The following TMEM254 variants were observed in gnomAD, a reference collection of about 807,000 sequenced individuals.
TMEM254 encodes the protein transmembrane protein C10orf57.
In TMEM254, 16 loss-of-function variants were observed where a neutral mutation model predicts 13.9. That is an observed-to-expected ratio of 1.15 (90% CI 0.78 to 1.75). TMEM254 has a LOEUF of 1.75. Ranked by LOEUF, TMEM254 falls within the 40% of genes most tolerant of loss-of-function variation. The pLI is 0.00. For synonymous variants in TMEM254, 61 were observed against 56.4 expected, an observed-to-expected ratio of 1.08 and a Z score of -0.36; for missense variants, 155 against 149.0, an observed-to-expected ratio of 1.04 and a Z score of -0.21.
chr10:80,090,004 CA>C (rs376006872), intron 3 of TMEM254, among the ~76,000 whole-genome samples: 20,660 of 84,788 alleles, frequency 0.24, 1,505 homozygotes, highest in East Asian at 0.48. Context: ...GACTCCATCT[CA>C]AAAAAAAAAA....
At chr10:80,081,012 G>A (rs1459735408) in intron 1 of TMEM254, among the ~76,000 whole-genome samples, 2 of 152,182 alleles carry the variant, frequency 1.3e-5, no homozygotes, top group African/African-American at 2.4e-5. Flanking sequence ...TCCGCGAGGC[G>A]GAGGTTACAG....
chr10:80,081,734 G>T lies in TMEM254; in HGVS notation c.88-107G>T. ...CCAAATGACTGTTCAGAGTTTCTTC[G>T]GTCTGTGGTAATTTTTTTACTGTTT... On this transcript the variant is annotated intron_variant, in intron 1 of 3. Transcript: ENST00000372281. 1 of 1,608,282 alleles carries T rather than the reference G, an allele frequency of 6.2e-7. No individual in the cohort carries two copies. The highest frequency in any genetic ancestry group is 8.5e-7 in the Non-Finnish European group (1 of 1,178,440).
chr10:80,079,040 G>T, intron 1 of TMEM254: 6 of 1,503,530 alleles, frequency 4.0e-6, no homozygotes, highest in Non-Finnish European at 5.4e-6. Flanking sequence ...GGGCGGGGAC[G>T]GCTGGGGAGC....
intron 1 of TMEM254, 143 bp downstream of exon 1, chr10:80,078,929 G>C: frequency 2.0e-6 from 3 of 1,522,928 alleles, no homozygotes; most frequent in Non-Finnish European, 2.7e-6. Flanking sequence ...GGAGGGGAGG[G>C]GACCAGACTC....
chr10:80,079,217 G>A, intron 1 of TMEM254: 2 of 1,272,290 alleles, frequency 1.6e-6, no homozygotes, highest in South Asian at 2.6e-5. Flanking sequence ...GCGGGCCTCT[G>A]TTTTGGCCCG....
At chr10:80,089,739 C>T (rs1440800380) in intron 3 of TMEM254, among the ~76,000 whole-genome samples, 3 of 151,922 alleles carry the variant, frequency 2.0e-5, no homozygotes, top group Middle Eastern at 3.4e-3. Context: ...CGTGGTGGCT[C>T]ACGCCTGTAA....
chr10:80,082,833 A>G (rs1844111010), intron 3 of TMEM254, among the ~76,000 whole-genome samples: 1 of 152,238 alleles, frequency 6.6e-6, no homozygotes, highest in South Asian at 2.1e-4. Flanking sequence ...GTATGGTACA[A>G]TGAAAAACAT....
chr10:80,088,767 C>CAAA lies in TMEM254; in HGVS notation c.252-2016_252-2014dup, dbSNP rs10670160. Among the ~76,000 whole-genome samples, 526 of 118,306 alleles carry CAAA rather than the reference C, an allele frequency of 4.4e-3. 7 individuals are homozygous for CAAA. Among genetic ancestry groups the CAAA allele is most frequent in the Non-Finnish European group, 6.2e-3 (348 of 56,408 alleles). The allele number at this position is 118,306 out of a possible 152,430, so 77.6% of individuals were successfully genotyped here. A position where few individuals can be genotyped will look rare whatever the true frequency, so the allele number is the denominator to read the frequency against. On this transcript the variant is annotated intron_variant, in intron 3 of 3. Coordinates refer to ENST00000372281, the MANE Select transcript of TMEM254 (RefSeq NM_025125.4). ...TGGGCGACAGAGCAAGACTCCGTCTCAAAAAAAAAAAAAAAAGATAGGGTA... is the reference window on the plus strand; with the variant it reads ...TGGGCGACAGAGCAAGACTCCGTCTCAAAAAAAAAAAAAAAAAAAGATAGGGTA...
At chr10:80,079,094 G>A (rs749394999) in intron 1 of TMEM254, 37 of 1,400,818 alleles carry the variant, frequency 2.6e-5, no homozygotes, top group Non-Finnish European at 3.1e-5. Context: ...GGATGGTGAA[G>A]TCGGAGGCCA....
At chr10:80,079,192 G>A (rs763756511) in intron 1 of TMEM254, 2 of 1,290,548 alleles carry the variant, frequency 1.5e-6, no homozygotes, top group South Asian at 2.5e-5. Flanking sequence ...GCGGTGAGGC[G>A]TGGGGTGGGG....
intron 3 of TMEM254, among the ~76,000 whole-genome samples, chr10:80,082,555 C>G (rs973778676): frequency 6.6e-6 from 1 of 152,174 alleles, no homozygotes; most frequent in Non-Finnish European, 1.5e-5. Flanking sequence ...GCCGATGACT[C>G]ACAATCCTCG....
At chr10:80,089,928 C>T (rs554155066) in intron 3 of TMEM254, among the ~76,000 whole-genome samples, 5 of 151,518 alleles carry the variant, frequency 3.3e-5, no homozygotes, top group Admixed American at 2.6e-4. Flanking sequence ...TGGCATCAAC[C>T]CGGGAGGCAG....
intron 1 of TMEM254, chr10:80,079,293 G>T: frequency 8.3e-7 from 1 of 1,208,458 alleles, no homozygotes. Flanking sequence ...TCTGACGGTT[G>T]TCTCGGTTAC....
rs1196219863 is a variant in TMEM254 at position 80,078,799 on chromosome 10, G to A, written c.87+13G>A. 4.4e-6 allele frequency: 7 copies of A among 1,590,092 alleles called. No individual in the cohort carries two copies. Among genetic ancestry groups the A allele is most frequent in the Non-Finnish European group, 6.0e-6 (7 of 1,168,216 alleles). On this transcript the variant is annotated intron_variant, in intron 1 of 3. Transcript: ENST00000372281. ...TGGCTACTACACAGTAAGGACAGCC[G>A]CTGGAGCGCTACGGTCTGACGAACG...
At chr10:80,082,482 A>G (rs1844090924) in intron 3 of TMEM254, among the ~76,000 whole-genome samples, 1 of 152,200 alleles carries the variant, frequency 6.6e-6, no homozygotes, top group Admixed American at 6.5e-5. Context: ...CCCCAACTAG[A>G]TCAAAAGACT....
intron 3 of TMEM254, chr10:80,086,309 G>C: frequency 7.3e-7 from 1 of 1,375,094 alleles, no homozygotes; most frequent in Non-Finnish European, 9.5e-7. Flanking sequence ...CCTTCTCCGG[G>C]TTACCTAGCC....
At chr10:80,079,255 C>T in intron 1 of TMEM254, 2 of 1,237,128 alleles carry the variant, frequency 1.6e-6, no homozygotes, top group South Asian at 1.4e-5. Context: ...GAGGGGAGCT[C>T]TGGGAACGGG....
intron 3 of TMEM254, among the ~76,000 whole-genome samples, chr10:80,083,493 G>A (rs1462745201): frequency 2.0e-5 from 3 of 152,030 alleles, no homozygotes; most frequent in African/African-American, 7.2e-5. Flanking sequence ...TTTGTAGATC[G>A]TTCCCCACCT....
chr10:80,083,105 C>T (rs375879593), intron 3 of TMEM254, among the ~76,000 whole-genome samples: 37 of 106,308 alleles, frequency 3.5e-4, no homozygotes, highest in South Asian at 1.9e-3. Context: ...ATAAGCTAGA[C>T]TTTTTTTTTT....
Sources: allele counts gnomAD v4.1 joint callset (sites outside exome capture counted in the v4.1 genomes callset), GRCh38; gene constraint gnomAD v4.1.1; transcripts MANE v1.5; gene names NCBI Gene and HGNC (gene_info 2026-07-23, HGNC 2026-07-21).